The following CELF2 variants were observed in gnomAD, a reference collection of about 807,000 sequenced individuals.
CELF2 encodes the protein CUGBP Elav-like family member 2.
A neutral mutation model predicts 62.6 loss-of-function variants in CELF2; 8 were observed. The observed-to-expected ratio is 0.13, with a 90% CI of 0.07 to 0.23. CELF2 has a LOEUF of 0.23. Among genes scored for constraint, CELF2 ranks in the 10% least tolerant of loss-of-function variants. The pLI is 1.00. For missense variants in CELF2, 333 were observed against 671.0 expected (o/e 0.50, Z 5.56); for synonymous variants, 258 against 250.0 (o/e 1.03, Z -0.30).
the CELF2 span, among the ~76,000 whole-genome samples, chr10:10,679,054 G>A: frequency 6.6e-6 from 1 of 152,090 alleles, no homozygotes; most frequent in Non-Finnish European, 1.5e-5. Flanking sequence ...AAAATAAAGG[G>A]ATTTCAGGAG....
the CELF2 span, among the ~76,000 whole-genome samples, chr10:10,576,468 T>C: frequency 6.6e-6 from 1 of 152,124 alleles, no homozygotes; most frequent in African/African-American, 2.4e-5. Flanking sequence ...TTAGTTAATA[T>C]AGGAAGACTT....
Position 10,833,013 on chromosome 10 carries a change from C to CTGTGTGTGTGTGTGTGTG in CELF2, c.53+34218_53+34235dup, listed in dbSNP as rs71378768. ...GAGCCTCCTACAGACACAGAAAACTCTGTGTGTGTGTGTGTGTGTGTGTGT... is the reference window on the plus strand; with the variant it reads ...GAGCCTCCTACAGACACAGAAAACTCTGTGTGTGTGTGTGTGTGTGTGTGTGTGTGTGTGTGTGTGTGT... On this transcript the variant is annotated intron_variant, in intron 1 of 13. Coordinates refer to the CELF2 transcript ENST00000636488. Among the ~76,000 whole-genome samples, 58 of 144,612 alleles carry CTGTGTGTGTGTGTGTGTG rather than the reference C, an allele frequency of 4.0e-4. 1 individual carries two copies. The highest frequency in any genetic ancestry group is 1.1e-3 in the African/African-American group (41 of 38,778). 94.9% of individuals were successfully genotyped at this position (144,612 alleles called of 152,430 possible). A position where few individuals can be genotyped will look rare whatever the true frequency, so the allele number is the denominator to read the frequency against.
chr10:10,847,264 T>C (rs746312833), intron 1 of CELF2, among the ~76,000 whole-genome samples: 2 of 152,096 alleles, frequency 1.3e-5, no homozygotes, highest in Non-Finnish European at 2.9e-5. Context: ...ATGGCCTACA[T>C]TAGGTGCAAA....
At chr10:10,755,494 A>C in the CELF2 span, among the ~76,000 whole-genome samples, 3 of 152,274 alleles carry the variant, frequency 2.0e-5, no homozygotes, top group Middle Eastern at 3.4e-3. Context: ...TTTCGCGCGC[A>C]GTCTCTATGG....
chr10:10,506,856 G>C, the CELF2 span, among the ~76,000 whole-genome samples: 1 of 151,414 alleles, frequency 6.6e-6, no homozygotes, highest in African/African-American at 2.4e-5. Context: ...GTAAAGACGG[G>C]GATTCCCCAT....
At chr10:11,013,446 TC>T (rs2056789854), upstream of CELF2, among the ~76,000 whole-genome samples, 1 of 152,104 alleles carries the variant, frequency 6.6e-6, no homozygotes, top group Non-Finnish European at 1.5e-5. The surrounding 1 kb of genome is among the most constrained non-coding windows in gnomAD (Gnocchi z 4.1). Context: ...GCTAGTGGGG[TC>T]CCTCCTTTGC....
the CELF2 span, among the ~76,000 whole-genome samples, chr10:10,699,031 A>G: frequency 6.6e-6 from 1 of 152,104 alleles, no homozygotes; most frequent in Non-Finnish European, 1.5e-5. Context: ...GTATCCATAT[A>G]ATATACTAGT....
chr10:10,962,332 C>A (rs1474594607), intron 2 of CELF2, among the ~76,000 whole-genome samples: 1 of 152,224 alleles, frequency 6.6e-6, no homozygotes, highest in Non-Finnish European at 1.5e-5. Flanking sequence ...TTTCTGTGGC[C>A]ACTCACAAAG....
chr10:10,837,897 A>G (rs1051965909), intron 1 of CELF2, among the ~76,000 whole-genome samples: 2 of 152,140 alleles, frequency 1.3e-5, no homozygotes, highest in African/African-American at 2.4e-5. Context: ...CCCCACATCC[A>G]GTTTCCCCTA....
chr10:11,306,043 G>A lies in CELF2; in HGVS notation c.977-8096G>A, dbSNP rs143008412. Among the ~76,000 whole-genome samples, 221 of 152,298 alleles carry A rather than the reference G, an allele frequency of 1.5e-3. No individual in the cohort carries two copies. The highest frequency in any genetic ancestry group is 4.9e-3 in the African/African-American group (204 of 41,566). Reference sequence around the variant, plus strand: ...TCCTGGCACGCCAGCTGGCCTGAACGTCCGTCGCCTGATTGATAGGTTTTA... The same window carrying A: ...TCCTGGCACGCCAGCTGGCCTGAACATCCGTCGCCTGATTGATAGGTTTTA... On this transcript the variant is annotated intron_variant, in intron 9 of 12. Transcript: ENST00000633077. The surrounding 1 kb of genome is among the most constrained non-coding windows in gnomAD (Gnocchi z 4.4).
rs2140316367 is a variant in CELF2, at chr10:11,306,275, C to T, written c.977-7864C>T. ...TATAGACCGCACCTCTCCTGAGATG[C>T]TCCTTTGGCATTTTGTAAAACTTTT... On this transcript the variant is annotated intron_variant, in intron 9 of 12. Coordinates refer to ENST00000633077, the MANE Select transcript of CELF2 (RefSeq NM_001326342.2). The surrounding 1 kb of genome is among the most constrained non-coding windows in gnomAD (Gnocchi z 4.4). Among the ~76,000 whole-genome samples the T allele has an allele frequency of 6.6e-6, 1 of 152,062 alleles. No individual in the cohort carries two copies. The highest frequency in any genetic ancestry group is 6.5e-5 in the Admixed American group (1 of 15,282).
chr10:10,754,904 G>A, the CELF2 span, among the ~76,000 whole-genome samples: 96 of 152,152 alleles, frequency 6.3e-4, 1 homozygote, highest in Non-Finnish European at 9.7e-4. Context: ...GTCAGTCAAC[G>A]GACAATGAGA....
At chr10:11,282,850 G>A (rs140375241) in intron 8 of CELF2, among the ~76,000 whole-genome samples, 11 of 152,364 alleles carry the variant, frequency 7.2e-5, no homozygotes, top group African/African-American at 2.6e-4. Context: ...GGTGGTGATT[G>A]CTGCTGTTAT....
At chr10:11,020,634 G>A (rs1564399287) in intron 1 of CELF2, among the ~76,000 whole-genome samples, 1 of 152,160 alleles carries the variant, frequency 6.6e-6, no homozygotes, top group Non-Finnish European at 1.5e-5. Context: ...TAAAGCATAG[G>A]GGCTTTTCTG....
At chr10:10,665,961 C>T in the CELF2 span, among the ~76,000 whole-genome samples, 45 of 152,292 alleles carry the variant, frequency 3.0e-4, no homozygotes, top group African/African-American at 1.0e-3. Flanking sequence ...TTTCACCCAC[C>T]GTGCCAAGGC....
intron 1 of CELF2, among the ~76,000 whole-genome samples, chr10:10,890,157 T>C (rs1203092017): frequency 6.6e-6 from 1 of 152,026 alleles, no homozygotes; most frequent in Non-Finnish European, 1.5e-5. Flanking sequence ...AACAGTAAAA[T>C]GAACAGCCAA....
In CELF2 at chr10:10,923,000, G is replaced by C. The variant is rs1259871572; in HGVS notation, c.89+3001G>C. The C allele has an allele frequency of 3.9e-5, 6 of 152,126 alleles. No individual in the cohort carries two copies. The East Asian group carries it at 9.6e-4, about 24-fold the overall frequency. The allele number at this position is 152,126 out of a possible 1,614,324, so 9.4% of individuals were successfully genotyped here. The stretch of plus-strand genomic sequence containing the variant: ...TTATTTCTTTTGCTAGTGTTTGTTT[G>C]TTTGTACAGTCTCGTAGAATTCCAT... On this transcript the variant is annotated intron_variant, in intron 2 of 13. Coordinates refer to the CELF2 transcript ENST00000636488.
the CELF2 span, among the ~76,000 whole-genome samples, chr10:10,608,901 G>A: frequency 6.6e-6 from 1 of 152,196 alleles, no homozygotes; most frequent in Non-Finnish European, 1.5e-5. Context: ...GGGACCCCGT[G>A]AATCAGCAGG....
chr10:10,976,059 G>A (rs1340673497), intron 2 of CELF2, among the ~76,000 whole-genome samples: 5 of 152,336 alleles, frequency 3.3e-5, no homozygotes, highest in Non-Finnish European at 5.9e-5. Context: ...CTTTGCCTTG[G>A]CATTTGTAAA....
Sources: gnomAD v4.1 joint callset for allele counts (sites outside exome capture counted in the v4.1 genomes callset) on GRCh38, gnomAD v4.1.1 for gene constraint, Gnocchi (gnomAD v3.1) non-coding constraint, MANE v1.5 for transcripts, NCBI Gene and HGNC (gene_info 2026-07-23, HGNC 2026-07-21) for gene names.